The following GLCCI1 variants were observed in gnomAD, a reference collection of about 807,000 sequenced individuals.
The protein encoded by GLCCI1 is glucocorticoid induced 1.
A neutral mutation model predicts 52.2 loss-of-function variants in GLCCI1; 24 were observed. The ratio of observed to expected loss-of-function variants is 0.46; its 90% CI spans 0.33 to 0.65. The LOEUF is 0.65. Among genes scored for constraint, GLCCI1 ranks in the 30% least tolerant of loss-of-function variants. GLCCI1 has a pLI of 0.02. For synonymous variants in GLCCI1, 310 were observed against 276.5 expected (o/e 1.12, Z -1.20); for missense variants, 704 against 701.5 (o/e 1.00, Z -0.04).
intron 1 of GLCCI1, among the ~76,000 whole-genome samples, chr7:7,993,267 C>G (rs1435837820): frequency 6.6e-6 from 1 of 152,108 alleles, no homozygotes; most frequent in Non-Finnish European, 1.5e-5. Flanking sequence ...TCCCACTCTT[C>G]TTGTTTTTGT....
At position 8,055,519 on chromosome 7, in the gene GLCCI1, T is replaced by C. The variant is rs765886618; in HGVS notation, c.783T>C (p.His261=). ...AGAAAGATCGCCAGTCACCTCTTCA[T>C]GGCAACCATATAACAATCAGTCACA... ...SKEKDRQSPL[H]GNHITISHTQ... is the part of the protein sequence containing the mutation. Residue 261 remains histidine, a synonymous_variant, in exon 4 of 8, where the codon CAT becomes CAC. Transcript: ENST00000223145. 1.2e-6 allele frequency: 2 copies of C among 1,611,962 alleles called. No individual in the cohort carries two copies. The highest frequency in any genetic ancestry group is 2.2e-5 in the South Asian group (2 of 91,038).
At position 8,087,093 on chromosome 7, in the gene GLCCI1, T is replaced by C. The variant is rs374170847; in HGVS notation, c.*555T>C. The C allele has an allele frequency of 1.3e-5, 2 of 152,628 alleles. No individual in the cohort carries two copies. Among genetic ancestry groups the C allele is most frequent in the East Asian group, 1.9e-4 (1 of 5,194 alleles). 9.5% of individuals were successfully genotyped at this position (152,628 alleles called of 1,614,324 possible). ...CAGGTAACTTGGAATGTATATCATATTGGGATATTAAATATTTCACAGCTA... is the reference window on the plus strand; with the variant it reads ...CAGGTAACTTGGAATGTATATCATACTGGGATATTAAATATTTCACAGCTA... On this transcript the variant is annotated 3_prime_UTR_variant, in exon 8 of 8. Coordinates refer to ENST00000223145, the MANE Select transcript of GLCCI1 (RefSeq NM_138426.4).
chr7:8,086,283 A>G lies in GLCCI1; in HGVS notation c.1389A>G (p.Val463=). ...FIPTGSAFCP[V]KLLGPLLPAS... is the part of the protein sequence containing the mutation. ...CAACCGGATCAGCTTTCTGTCCTGTAAAACTTCTAGGCCCCCTCTTACCTG... is the reference window on the plus strand; with the variant it reads ...CAACCGGATCAGCTTTCTGTCCTGTGAAACTTCTAGGCCCCCTCTTACCTG... The change falls in exon 8 of 8, where the codon GTA becomes GTG. Residue 463 remains valine (V), a synonymous_variant. Coordinates refer to ENST00000223145, the MANE Select transcript of GLCCI1 (RefSeq NM_138426.4). This position sits in a 1 kb window ranked among gnomAD's most constrained non-coding sequence, Gnocchi z 4.4. 1 of 1,614,156 alleles carries G rather than the reference A, an allele frequency of 6.2e-7. No individual in the cohort carries two copies. Among genetic ancestry groups the G allele is most frequent in the South Asian group, 1.1e-5 (1 of 91,078 alleles).
At chr7:8,016,156 G>A (rs145332632) in intron 2 of GLCCI1, among the ~76,000 whole-genome samples, 320 of 152,246 alleles carry the variant, frequency 2.1e-3, no homozygotes, top group African/African-American at 6.7e-3. Context: ...ACATTTTTAC[G>A]TTAGAGACAT....
intron 1 of GLCCI1, chr7:7,980,658 C>G (rs1284578560): frequency 4.8e-6 from 4 of 833,812 alleles, no homozygotes; most frequent in Non-Finnish European, 8.0e-6. Flanking sequence ...GAATTAAGCA[C>G]AAGAAGAAGG....
intron 7 of GLCCI1, among the ~76,000 whole-genome samples, chr7:8,085,226 C>CA (rs1783079671): frequency 6.6e-6 from 1 of 152,194 alleles, no homozygotes; most frequent in African/African-American, 2.4e-5. Flanking sequence ...AGTACAAAGA[C>CA]ACGTGGAAAC....
intron 6 of GLCCI1, among the ~76,000 whole-genome samples, chr7:8,080,672 T>C (rs1187222906): frequency 6.8e-6 from 1 of 148,120 alleles, no homozygotes; most frequent in Admixed American, 6.6e-5. Flanking sequence ...TCCTTTACTC[T>C]CTTCTGTCAA....
At chr7:7,987,788 G>T (rs892113428) in intron 1 of GLCCI1, among the ~76,000 whole-genome samples, 2 of 151,928 alleles carry the variant, frequency 1.3e-5, no homozygotes, top group Non-Finnish European at 2.9e-5. Context: ...TTTAGAAATG[G>T]GGTTCCACTG....
rs537309766 is a variant in GLCCI1 at position 8,088,679 on chromosome 7, T to C, written c.*2141T>C. On this transcript the variant is annotated 3_prime_UTR_variant, in exon 8 of 8. Transcript: ENST00000223145. Reference sequence around the variant, plus strand: ...AGTATCAATATCAATTTCAGAAAAATGGACTGAATATGCTTTTTTGGTGAT... The same window carrying C: ...AGTATCAATATCAATTTCAGAAAAACGGACTGAATATGCTTTTTTGGTGAT... 1 of 152,702 alleles carries C rather than the reference T, an allele frequency of 6.5e-6. No homozygotes were observed. The highest frequency in any genetic ancestry group is 2.1e-4 in the South Asian group (1 of 4,826). The allele number at this position is 152,702 out of a possible 1,614,324, so 9.5% of individuals were successfully genotyped here. A position where few individuals can be genotyped will look rare whatever the true frequency, so the allele number is the denominator to read the frequency against.
rs1406522929 is a variant in GLCCI1 at position 7,969,554 on chromosome 7, GC to G, written c.207del (p.Tyr70ThrfsTer98). 1.0e-6 allele frequency: 1 copy of G among 1,002,492 alleles called. No individual in the cohort carries two copies. The highest frequency in any genetic ancestry group is 1.2e-6 in the Non-Finnish European group (1 of 842,236). The allele number at this position is 1,002,492 out of a possible 1,614,324, so 62.1% of individuals were successfully genotyped here. ...RLLQPIRATV[P>X]YQLLRGSQHS... ...TGCTGCAGCCCATCCGCGCCACGGT[GC>G]CCTACCAGCTCTTGCGGGGCAGCCA... On this transcript the variant is annotated frameshift_variant, in exon 1 of 8. Transcript: ENST00000223145. LOFTEE classifies it high-confidence loss of function. The surrounding 1 kb of genome is among the most constrained non-coding windows in gnomAD (Gnocchi z 4.9).
chr7:8,053,548 T>A (rs1034295053), intron 3 of GLCCI1, among the ~76,000 whole-genome samples: 50 of 151,226 alleles, frequency 3.3e-4, no homozygotes, highest in African/African-American at 1.2e-3. Flanking sequence ...TTGGCCAGGC[T>A]GGTCTTCAAC....
intron 1 of GLCCI1, among the ~76,000 whole-genome samples, chr7:7,993,368 C>A (rs1485641227): frequency 6.6e-6 from 1 of 152,170 alleles, no homozygotes; most frequent in African/African-American, 2.4e-5. Flanking sequence ...TTGCTTCTGT[C>A]TGCTCAATTT....
At chr7:7,971,463 T>C (rs1385295214) in intron 1 of GLCCI1, among the ~76,000 whole-genome samples, 2 of 152,190 alleles carry the variant, frequency 1.3e-5, no homozygotes, top group African/African-American at 2.4e-5. Flanking sequence ...AGTGCACAAA[T>C]TGAGTTTTGG....
intron 1 of GLCCI1, among the ~76,000 whole-genome samples, chr7:7,991,358 G>A (rs1780835691): frequency 1.3e-5 from 2 of 151,964 alleles, no homozygotes; most frequent in South Asian, 2.1e-4. Context: ...TGTGTTTTCT[G>A]TATTATATTT....
chr7:7,995,122 T>A (rs1780914955), intron 1 of GLCCI1, among the ~76,000 whole-genome samples: 1 of 152,198 alleles, frequency 6.6e-6, no homozygotes, highest in Non-Finnish European at 1.5e-5. Flanking sequence ...AGAGTGAATA[T>A]TTTTCTATTT....
In GLCCI1 at chr7:8,056,404, G is replaced by A. The variant is rs574981773; in HGVS notation, c.813+855G>A. Among the ~76,000 whole-genome samples the A allele has an allele frequency of 8.2e-4, 125 of 152,220 alleles. 1 individual carries two copies. Among genetic ancestry groups the A allele is most frequent in the South Asian group, 4.2e-3 (20 of 4,816 alleles). ...CTTCCTTCATTTATTGAGCAACTAT[G>A]CACATTATCTCATTTAATCTTCCTA... On this transcript the variant is annotated intron_variant, in intron 4 of 7. Transcript: ENST00000223145.
chr7:7,970,426 C>G (rs1257585391), intron 1 of GLCCI1: 1 of 105,406 alleles, frequency 9.5e-6, no homozygotes, highest in Non-Finnish European at 1.8e-5. Flanking sequence ...CCCTCTCTTT[C>G]TCCCCCTCCC....
Position 7,969,668 on chromosome 7 carries a change from G to T in GLCCI1, c.318G>T (p.Pro106=), listed in dbSNP as rs1359821597. ...PGPGAARGPS[P]SSPTPPAAAA... is the part of the protein sequence containing the mutation. ...CCGGCGCGGCCCGCGGCCCCAGCCC[G>T]TCCAGCCCGACGCCGCCGGCGGCCG... The change falls in exon 1 of 8, where the codon CCG becomes CCT. Residue 106 remains proline (P), a synonymous_variant. Transcript: ENST00000223145. The surrounding 1 kb of genome is among the most constrained non-coding windows in gnomAD (Gnocchi z 4.9). The T allele has an allele frequency of 7.4e-6, 8 of 1,078,266 alleles. No homozygotes were observed. The highest frequency in any genetic ancestry group is 9.0e-6 in the Non-Finnish European group (8 of 891,250). The allele number at this position is 1,078,266 out of a possible 1,614,324, so 66.8% of individuals were successfully genotyped here. A position where few individuals can be genotyped will look rare whatever the true frequency, so the allele number is the denominator to read the frequency against.
At position 7,992,640 on chromosome 7, in the gene GLCCI1, T is replaced by C. The variant is rs200767706; in HGVS notation, c.458-11268T>C. Among the ~76,000 whole-genome samples the C allele has an allele frequency of 7.9e-5, 12 of 152,216 alleles. No individual in the cohort carries two copies. The East Asian group carries it at 2.3e-3, about 29-fold the overall frequency. ...TTTATTTTAGGAGAGTTTTAAAAATTATAGTTTTTAGTATTTTTTGTTTTG... is the reference window on the plus strand; with the variant it reads ...TTTATTTTAGGAGAGTTTTAAAAATCATAGTTTTTAGTATTTTTTGTTTTG... On this transcript the variant is annotated intron_variant, in intron 1 of 7. Transcript: ENST00000223145.
Sources: allele counts gnomAD v4.1 joint callset (sites outside exome capture counted in the v4.1 genomes callset), GRCh38; gene constraint gnomAD v4.1.1; non-coding constraint Gnocchi (gnomAD v3.1); transcripts MANE v1.5; gene names NCBI Gene and HGNC (gene_info 2026-07-23, HGNC 2026-07-21).